Variants in SLC24A2 observed in about 807,000 individuals in gnomAD.
The protein encoded by SLC24A2 is solute carrier family 24 member 2.
A neutral mutation model predicts 62.0 loss-of-function variants in SLC24A2; 36 were observed. The ratio of observed to expected loss-of-function variants is 0.58; its 90% CI spans 0.44 to 0.77. The LOEUF is 0.77. Among genes scored for constraint, SLC24A2 ranks in the 30% least tolerant of loss-of-function variants. The pLI is 0.00. For missense variants in SLC24A2, 846 were observed against 817.9 expected, an observed-to-expected ratio of 1.03 and a Z score of -0.42; for synonymous variants, 358 against 294.0, an observed-to-expected ratio of 1.22 and a Z score of -2.23.
the SLC24A2 span, among the ~76,000 whole-genome samples, chr9:20,260,647 T>C: frequency 1.3e-5 from 2 of 152,072 alleles, no homozygotes; most frequent in African/African-American, 4.8e-5. Flanking sequence ...ATTGCTTTTA[T>C]TTTTTTACTT....
chr9:20,071,375 T>C, the SLC24A2 span, among the ~76,000 whole-genome samples: 1 of 152,130 alleles, frequency 6.6e-6, no homozygotes, highest in Non-Finnish European at 1.5e-5. Flanking sequence ...ATTACTACCA[T>C]GAACAATGCC....
chr9:19,555,254 C>G (rs181306464), intron 7 of SLC24A2, among the ~76,000 whole-genome samples: 77 of 152,272 alleles, frequency 5.1e-4, no homozygotes, highest in Middle Eastern at 3.4e-3. Context: ...ATCTAGTGTT[C>G]TCTTTATGAG....
the SLC24A2 span, among the ~76,000 whole-genome samples, chr9:19,989,879 G>A: frequency 6.6e-6 from 1 of 152,128 alleles, no homozygotes; most frequent in African/African-American, 2.4e-5. Flanking sequence ...TATAGAAGCA[G>A]GTAATAGCAC....
chr9:19,651,936 C>T (rs1303553011), intron 2 of SLC24A2, among the ~76,000 whole-genome samples: 2 of 152,182 alleles, frequency 1.3e-5, no homozygotes, highest in African/African-American at 4.8e-5. Context: ...GTTTCCTCCC[C>T]TGCAAATCTT....
At chr9:19,953,153 C>T in the SLC24A2 span, among the ~76,000 whole-genome samples, 1 of 151,782 alleles carries the variant, frequency 6.6e-6, no homozygotes, top group African/African-American at 2.4e-5. Flanking sequence ...TTGTGTCTTC[C>T]CTGTTCTTTT....
chr9:19,806,332 T>C, the SLC24A2 span, among the ~76,000 whole-genome samples: 1 of 152,136 alleles, frequency 6.6e-6, no homozygotes, highest in African/African-American at 2.4e-5. Context: ...TGATTAGTTG[T>C]AGAGTTTATT....
the SLC24A2 span, among the ~76,000 whole-genome samples, chr9:20,226,380 G>A: frequency 1.4e-4 from 22 of 152,212 alleles, no homozygotes; most frequent in East Asian, 5.8e-4. Context: ...GGCCATGTAC[G>A]TATAAAGAGA....
chr9:20,108,326 G>A, the SLC24A2 span, among the ~76,000 whole-genome samples: 1 of 152,072 alleles, frequency 6.6e-6, no homozygotes, highest in Non-Finnish European at 1.5e-5. Context: ...AATACCATTT[G>A]ACCCAGCCAT....
At chr9:19,878,060 C>T in the SLC24A2 span, among the ~76,000 whole-genome samples, 1 of 152,156 alleles carries the variant, frequency 6.6e-6, no homozygotes, top group Non-Finnish European at 1.5e-5. Flanking sequence ...CCACCCTGTG[C>T]AGAGGCATTT....
At chr9:19,522,207 C>T (rs897439506) in intron 9 of SLC24A2, among the ~76,000 whole-genome samples, 1 of 152,040 alleles carries the variant, frequency 6.6e-6, no homozygotes, top group African/African-American at 2.4e-5. Context: ...ACTATGTTGC[C>T]CAGGCTGGTC....
In SLC24A2 at chr9:19,787,038, C is replaced by A; in HGVS notation, c.-153-19G>T. ...ATTTATGCTTAAATAAAAATAAAAA[C>A]GAGAATAAGTAAATCATAAAATCAC... On this transcript the variant is annotated intron_variant, in intron 1 of 10. Transcript: ENST00000341998. 7.3e-7 allele frequency: 1 copy of A among 1,360,548 alleles called. No homozygotes were observed. Among genetic ancestry groups the A allele is most frequent in the South Asian group, 2.0e-5 (1 of 50,240 alleles). The allele number at this position is 1,360,548 out of a possible 1,614,324, so 84.3% of individuals were successfully genotyped here. A position where few individuals can be genotyped will look rare whatever the true frequency, so the allele number is the denominator to read the frequency against.
chr9:19,631,598 C>T (rs558317526), intron 2 of SLC24A2, among the ~76,000 whole-genome samples: 1 of 152,126 alleles, frequency 6.6e-6, no homozygotes, highest in Non-Finnish European at 1.5e-5. Context: ...TGCCACCCCA[C>T]GGATGCTCTG....
chr9:20,031,554 G>C, the SLC24A2 span, among the ~76,000 whole-genome samples: 8 of 152,150 alleles, frequency 5.3e-5, no homozygotes, highest in South Asian at 2.1e-4. Context: ...ATAATTGTGA[G>C]AGAAGGATGT....
chr9:20,295,035 T>A, the SLC24A2 span, among the ~76,000 whole-genome samples: 35 of 142,064 alleles, frequency 2.5e-4, no homozygotes, highest in African/African-American at 9.4e-4. Flanking sequence ...TGTGTATATA[T>A]GTATATATAT....
the SLC24A2 span, among the ~76,000 whole-genome samples, chr9:20,294,024 TGCTTGTACA>T: frequency 2.0e-5 from 3 of 152,134 alleles, no homozygotes; most frequent in Admixed American, 2.0e-4. Context: ...GGACCCCCAC[TGCTTGTACA>T]TTTGCTCATC....
chr9:19,527,998 A>G, intron 9 of SLC24A2, 51 bp downstream of exon 9: 3 of 1,123,382 alleles, frequency 2.7e-6, no homozygotes, highest in Non-Finnish European at 4.0e-6. Context: ...ACACTTGACA[A>G]TCAGGACTGG....
the SLC24A2 span, among the ~76,000 whole-genome samples, chr9:19,908,339 A>T: frequency 6.6e-6 from 1 of 152,170 alleles, no homozygotes; most frequent in Admixed American, 6.5e-5. Context: ...TTAATTCTAG[A>T]TGGATTAAAG....
chr9:19,674,988 G>A (rs1045212485), intron 2 of SLC24A2, among the ~76,000 whole-genome samples: 1 of 152,158 alleles, frequency 6.6e-6, no homozygotes, highest in African/African-American at 2.4e-5. Context: ...AGTACACTAT[G>A]TCAGAGGGAA....
intron 2 of SLC24A2, among the ~76,000 whole-genome samples, chr9:19,648,287 T>A (rs1383632192): frequency 6.6e-6 from 1 of 152,078 alleles, no homozygotes; most frequent in African/African-American, 2.4e-5. Context: ...AAAAGGGAAA[T>A]CTGCCAAATA....
Sources: allele counts gnomAD v4.1 joint callset (sites outside exome capture counted in the v4.1 genomes callset), GRCh38; gene constraint gnomAD v4.1.1; transcripts MANE v1.5; gene names NCBI Gene and HGNC (gene_info 2026-07-23, HGNC 2026-07-21).